The following RAD17 variants were observed in gnomAD, a reference collection of about 807,000 sequenced individuals.
RAD17 encodes RAD17 checkpoint clamp loader component.
In RAD17, 31 loss-of-function variants were observed where a neutral mutation model predicts 81.5. The observed-to-expected ratio is 0.38, with a 90% CI of 0.29 to 0.51. RAD17 has a LOEUF of 0.51. RAD17 is among the 20% of genes least tolerant of loss of function. RAD17 has a pLI of 0.88. For synonymous variants in RAD17, 261 were observed against 266.2 expected (o/e 0.98, Z 0.19); for missense variants, 681 against 781.2 (o/e 0.87, Z 1.53).
intron 15 of RAD17, 104 bp downstream of exon 15, chr5:69,393,604 C>G: frequency 9.3e-7 from 1 of 1,076,664 alleles, no homozygotes; most frequent in South Asian, 1.5e-5. Context: ...TTTTATGTGA[C>G]TTTTCTTCAT....
intron 6 of RAD17, among the ~76,000 whole-genome samples, chr5:69,380,728 C>G (rs1161426010): frequency 6.6e-6 from 1 of 151,146 alleles, no homozygotes; most frequent in Non-Finnish European, 1.5e-5. Flanking sequence ...CCTCTAGTCT[C>G]TCGTTAGAGT....
At chr5:69,402,125 G>T in intron 17 of RAD17, among the ~76,000 whole-genome samples, 1 of 144,912 alleles carries the variant, frequency 6.9e-6, no homozygotes. Flanking sequence ...TCGACTTACT[G>T]CAACCTCTGC....
intron 7 of RAD17, chr5:69,384,260 A>G (rs1764033844): frequency 6.6e-6 from 1 of 152,384 alleles, no homozygotes; most frequent in South Asian, 2.1e-4. Context: ...ACAGTCATAG[A>G]TATTTTTACC....
intron 6 of RAD17, among the ~76,000 whole-genome samples, chr5:69,379,591 G>A (rs547652787): frequency 2.8e-4 from 42 of 151,864 alleles, no homozygotes; most frequent in South Asian, 2.1e-4. Context: ...TAAATGGTAC[G>A]GCTGTACAAA....
Position 69,414,079 on chromosome 5 carries a change from T to C in RAD17, c.1800T>C (p.Pro600=), listed in dbSNP as rs1488691763. The stretch of plus-strand genomic sequence containing the variant: ...ACAGGGAACATGGAATGATAGACCC[T>C]GACAGCGGAGATGAAGCCCAGCTTA... The part of the protein sequence containing the change: ...LTDREHGMID[P]DSGDEAQLNG... Residue 600 remains proline (P), a synonymous_variant, in exon 19 of 19, where the codon CCT becomes CCC. Coordinates refer to ENST00000354868, the MANE Select transcript of RAD17 (RefSeq NM_133338.3). 6.2e-7 allele frequency: 1 copy of C among 1,614,214 alleles called. No homozygotes were observed. The highest frequency in any genetic ancestry group is 8.5e-7 in the Non-Finnish European group (1 of 1,180,020).
chr5:69,382,236 G>A (rs1444724486), intron 7 of RAD17, among the ~76,000 whole-genome samples, 179 bp downstream of exon 7: 2 of 152,074 alleles, frequency 1.3e-5, no homozygotes, highest in Non-Finnish European at 2.9e-5. Flanking sequence ...ATTGCTTCAG[G>A]CCAGGAGTTA....
In RAD17 at chr5:69,374,648, A is replaced by G. The variant is rs1763226812; in HGVS notation, c.288A>G (p.Lys96=). The change falls in exon 6 of 19, where the codon AAA becomes AAG. Residue 96 remains lysine, a synonymous_variant. Transcript: ENST00000354868. ...TGTAGCATGAACTTGCTGTGCATAAAAAGAAAATTGAAGAAGTCGAAACCT... is the reference window on the plus strand; with the variant it reads ...TGTAGCATGAACTTGCTGTGCATAAGAAGAAAATTGAAGAAGTCGAAACCT... ...PETQHELAVH[K]KKIEEVETWL... The G allele has an allele frequency of 6.2e-7, 1 of 1,610,602 alleles. No homozygotes were observed. The highest frequency in any genetic ancestry group is 1.7e-5 in the Admixed American group (1 of 59,222).
chr5:69,394,227 A>AT (rs539009370), intron 15 of RAD17, among the ~76,000 whole-genome samples: 5 of 146,276 alleles, frequency 3.4e-5, no homozygotes, highest in African/African-American at 7.6e-5. Context: ...TCCTTAGCTA[A>AT]TTTTTTTTTC....
chr5:69,380,305 C>T (rs1016416075), intron 6 of RAD17, among the ~76,000 whole-genome samples: 17 of 152,182 alleles, frequency 1.1e-4, no homozygotes, highest in South Asian at 8.3e-4. Flanking sequence ...ATGAGATATA[C>T]GTGTTACACT....
chr5:69,400,181 G>T lies in RAD17; in HGVS notation c.1693+12G>T. ...AATGAGAAATCAAGGTAATAACATA[G>T]GTTTTTCTTTTCTTTTAAGAAGTAG... On this transcript the variant is annotated intron_variant, in intron 17 of 18. Coordinates refer to ENST00000354868, the MANE Select transcript of RAD17 (RefSeq NM_133338.3). 3 of 1,470,420 alleles carry T rather than the reference G, an allele frequency of 2.0e-6. No homozygotes were observed. The highest frequency in any genetic ancestry group is 2.4e-5 in the Admixed American group (1 of 40,986). The allele number at this position is 1,470,420 out of a possible 1,614,324, so 91.1% of individuals were successfully genotyped here. A position where few individuals can be genotyped will look rare whatever the true frequency, so the allele number is the denominator to read the frequency against.
intron 3 of RAD17, 124 bp from the exon 4 acceptor site, chr5:69,371,910 G>A: frequency 2.3e-6 from 1 of 442,246 alleles, no homozygotes; most frequent in Non-Finnish European, 3.7e-6. Context: ...AGGGGTTAAG[G>A]TGGGATGGGG....
At position 69,386,006 on chromosome 5, in the gene RAD17, TA is replaced by T. The variant is rs771509169; in HGVS notation, c.646-33del. 1.3e-5 allele frequency: 19 copies of T among 1,472,442 alleles called. No individual in the cohort carries two copies. The South Asian group carries it at 2.7e-4, about 21-fold the overall frequency. 91.2% of individuals were successfully genotyped at this position (1,472,442 alleles called of 1,614,324 possible). Reference sequence around the variant, plus strand: ...TTTGAAAAATAAATTTGCAATGGAATAAAACTATACTATTATTTATTTTTTA... The same window carrying T: ...TTTGAAAAATAAATTTGCAATGGAATAAACTATACTATTATTTATTTTTTA... On this transcript the variant is annotated intron_variant, in intron 8 of 18. Coordinates refer to ENST00000354868, the MANE Select transcript of RAD17 (RefSeq NM_133338.3).
chr5:69,389,214 A>T, intron 12 of RAD17, 69 bp downstream of exon 12: 1 of 954,808 alleles, frequency 1.0e-6, no homozygotes, highest in Non-Finnish European at 1.6e-6. Flanking sequence ...CATTCAATGA[A>T]ATCAAACATT....
chr5:69,410,966 T>C (rs867501287), intron 18 of RAD17, among the ~76,000 whole-genome samples: 133 of 3,160 alleles, frequency 0.042, 2 homozygotes, highest in Middle Eastern at 0.33. Context: ...GATGTCTGTC[T>C]ATATATATAT....
intron 2 of RAD17, 37 bp from the exon 3 acceptor site, chr5:69,371,417 T>G: frequency 3.2e-6 from 2 of 625,418 alleles, no homozygotes; most frequent in Non-Finnish European, 5.3e-6. Flanking sequence ...TTACAGTTTT[T>G]CTTCATTTGA....
chr5:69,394,556 A>C (rs992523062), intron 15 of RAD17, among the ~76,000 whole-genome samples: 1 of 151,174 alleles, frequency 6.6e-6, no homozygotes, highest in African/African-American at 2.4e-5. Flanking sequence ...TGCCCTTACC[A>C]GTACAACAGC....
intron 16 of RAD17, 79 bp from the exon 17 acceptor site, chr5:69,399,967 ATAT>A: frequency 1.1e-6 from 1 of 910,780 alleles, no homozygotes. Context: ...GTGTAAGTTT[ATAT>A]AATAAACTTA....
chr5:69,392,522 C>T (rs1764611643), intron 13 of RAD17, among the ~76,000 whole-genome samples: 1 of 152,084 alleles, frequency 6.6e-6, no homozygotes. Flanking sequence ...TTTAGTGTCC[C>T]AAATAATCCC....
At chr5:69,402,971 A>T (rs1234130778) in intron 17 of RAD17, among the ~76,000 whole-genome samples, 1 of 152,156 alleles carries the variant, frequency 6.6e-6, no homozygotes, top group Non-Finnish European at 1.5e-5. Context: ...TCCCCATTCA[A>T]ATTTTTCCAA....
Sources: allele counts gnomAD v4.1 joint callset (sites outside exome capture counted in the v4.1 genomes callset), GRCh38; gene constraint gnomAD v4.1.1; transcripts MANE v1.5; gene names NCBI Gene and HGNC (gene_info 2026-07-23, HGNC 2026-07-21).